DNAH11: variants seen among roughly 807,000 people sequenced by gnomAD.
DNAH11 encodes the protein axonemal beta dynein heavy chain 11.
In DNAH11, 442 loss-of-function variants were observed where a neutral mutation model predicts 526.0. That is an observed-to-expected ratio of 0.84 (90% confidence interval 0.78 to 0.91). The LOEUF is 0.91. DNAH11 is among the 40% of genes least tolerant of loss of function. DNAH11 has a pLI of 0.00. For synonymous variants in DNAH11, 2,461 were observed against 1,935.9 expected (o/e 1.27, Z -7.12); for missense variants, 6,989 against 5,448.7 (o/e 1.28, Z -8.90).
chr7:21,850,455 C>G (rs962879914), intron 66 of DNAH11, among the ~76,000 whole-genome samples: 3 of 151,546 alleles, frequency 2.0e-5, no homozygotes, highest in African/African-American at 7.3e-5. Context: ...GAGTTTCTAT[C>G]TCTACTTACA....
At chr7:21,757,218 C>T (rs1262670634) in intron 54 of DNAH11, among the ~76,000 whole-genome samples, 2 of 152,202 alleles carry the variant, frequency 1.3e-5, no homozygotes, top group Admixed American at 6.5e-5. Flanking sequence ...CATCTTGGGA[C>T]AGCCATACTT....
At chr7:21,744,822 C>G (rs768123290) in intron 50 of DNAH11, 48 bp from the exon 51 acceptor site, 29 of 1,560,998 alleles carry the variant, frequency 1.9e-5, no homozygotes, top group Middle Eastern at 1.7e-4. Context: ...GCAGCTGGAC[C>G]TCTATGGATG....
At chr7:21,576,144 T>C (rs1157244682) in intron 8 of DNAH11, among the ~76,000 whole-genome samples, 1 of 150,154 alleles carries the variant, frequency 6.7e-6, no homozygotes, top group Non-Finnish European at 1.5e-5. Flanking sequence ...GCGATGGAGA[T>C]TGACTCTGAG....
intron 66 of DNAH11, chr7:21,851,328 T>C: frequency 3.8e-6 from 1 of 261,154 alleles, no homozygotes; most frequent in Non-Finnish European, 7.7e-6. Flanking sequence ...ATTGTAAGTT[T>C]CCTGATGCCT....
chr7:21,753,110 C>T (rs540221970), intron 54 of DNAH11, among the ~76,000 whole-genome samples: 1 of 152,294 alleles, frequency 6.6e-6, no homozygotes, highest in Non-Finnish European at 1.5e-5. Context: ...CAGTATTACC[C>T]TTAGAGGCCC....
intron 63 of DNAH11, among the ~76,000 whole-genome samples, chr7:21,812,666 AAG>A (rs150181073): frequency 6.6e-6 from 1 of 151,938 alleles, no homozygotes. Context: ...AAAGAAAGAA[AAG>A]AGAGAGAGAG....
chr7:21,683,797 A>G lies in DNAH11; in HGVS notation c.5474A>G (p.Gln1825Arg). The change falls in exon 32 of 82, where the codon CAA becomes CGA. Residue 1825 changes from glutamine (Q) to arginine (R), a missense_variant. Coordinates refer to ENST00000409508, the MANE Select transcript of DNAH11 (RefSeq NM_001277115.2). ...CAATGCCTTTAGGTTGTCAGTCCCC[A>G]AGCTTTTACATGGCTGTCTCAACTT... ...KLISQKVVSP[Q>R]AFTWLSQLRH... 4 of 1,608,178 alleles carry G rather than the reference A, an allele frequency of 2.5e-6. No individual in the cohort carries two copies.
At chr7:21,672,899 G>T (rs907184791) in intron 30 of DNAH11, among the ~76,000 whole-genome samples, 1 of 152,140 alleles carries the variant, frequency 6.6e-6, no homozygotes, top group Admixed American at 6.5e-5. Flanking sequence ...TACTTTCTAG[G>T]TCTGACATTG....
chr7:21,778,811 C>T, intron 56 of DNAH11, 147 bp from the exon 57 acceptor site: 1 of 885,102 alleles, frequency 1.1e-6, no homozygotes, highest in South Asian at 2.6e-5. Flanking sequence ...TGCATTTTTG[C>T]AAATCAGAAG....
rs374826188 is a variant in DNAH11 at position 21,744,513 on chromosome 7, C to T, written c.8230C>T (p.Arg2744Cys). 7.4e-5 allele frequency: 119 copies of T among 1,613,642 alleles called. No homozygotes were observed. Among genetic ancestry groups the T allele is most frequent in the Middle Eastern group, 3.3e-4 (2 of 6,084 alleles). The change falls in exon 50 of 82, where the codon CGT becomes TGT. Residue 2744 changes from arginine (R) to cysteine (C), a missense_variant. Physicochemically the swap from Arg to Cys is radical, Grantham distance 180. Coordinates refer to ENST00000409508, the MANE Select transcript of DNAH11 (RefSeq NM_001277115.2). ...LIHLWLHESA[R>C]VYGDKLIDKK... Reference sequence around the variant, plus strand: ...ACATCTGTGGCTTCATGAATCTGCCCGTGTTTATGGAGACAAACTGATAGA... The same window carrying T: ...ACATCTGTGGCTTCATGAATCTGCCTGTGTTTATGGAGACAAACTGATAGA...
At chr7:21,643,024 ACAGGTG>A (rs1787194159) in intron 28 of DNAH11, among the ~76,000 whole-genome samples, 1 of 152,204 alleles carries the variant, frequency 6.6e-6, no homozygotes, top group South Asian at 2.1e-4. Flanking sequence ...GATGATGGAT[ACAGGTG>A]CTGCTTAACT....
chr7:21,795,664 G>A (rs986635183), intron 61 of DNAH11, among the ~76,000 whole-genome samples: 3 of 152,170 alleles, frequency 2.0e-5, no homozygotes, highest in Non-Finnish European at 2.9e-5. Context: ...AGCAATCAAC[G>A]AACGTTTTGT....
In DNAH11 at chr7:21,588,505, C is replaced by G. The variant is rs1245092225; in HGVS notation, c.1849-7C>G. ...TTCTTCCTCTTCACCAAAATATCAACTTGCAGATTGAATGTGGTCATGTAG... is the reference window on the plus strand; with the variant it reads ...TTCTTCCTCTTCACCAAAATATCAAGTTGCAGATTGAATGTGGTCATGTAG... On this transcript the variant is annotated splice_polypyrimidine_tract_variant and splice_region_variant and intron_variant, in intron 10 of 81. Coordinates refer to ENST00000409508, the MANE Select transcript of DNAH11 (RefSeq NM_001277115.2). The G allele has an allele frequency of 3.7e-6, 6 of 1,612,764 alleles. No homozygotes were observed. Among genetic ancestry groups the G allele is most frequent in the Non-Finnish European group, 4.2e-6 (5 of 1,179,212 alleles).
chr7:21,850,608 CTTT>C (rs3062635), intron 66 of DNAH11, among the ~76,000 whole-genome samples: 1,240 of 62,856 alleles, frequency 0.02, 8 homozygotes, highest in African/African-American at 0.068. Context: ...CTGTCTTCTT[CTTT>C]TTTTTTTTTT....
intron 65 of DNAH11, among the ~76,000 whole-genome samples, chr7:21,835,037 T>C (rs117845865): frequency 0.011 from 1,730 of 152,190 alleles, 16 homozygotes; most frequent in Non-Finnish European, 0.018. Flanking sequence ...TTCCTAGACA[T>C]GTATAACCTA....
intron 58 of DNAH11, among the ~76,000 whole-genome samples, chr7:21,784,755 C>G (rs1174128721): frequency 1.3e-5 from 2 of 152,140 alleles, no homozygotes; most frequent in Non-Finnish European, 2.9e-5. Flanking sequence ...CTACGGCACC[C>G]CAATAAGCAG....
At position 21,750,071 on chromosome 7, in the gene DNAH11, G is replaced by A. The variant is rs988723831; in HGVS notation, c.8798-151G>A. The A allele has an allele frequency of 3.1e-5, 35 of 1,144,158 alleles. 1 individual carries two copies. Among genetic ancestry groups the A allele is most frequent in the Admixed American group, 5.9e-5 (2 of 33,694 alleles). 70.9% of individuals were successfully genotyped at this position (1,144,158 alleles called of 1,614,324 possible). A position where few individuals can be genotyped will look rare whatever the true frequency, so the allele number is the denominator to read the frequency against. Reference sequence around the variant, plus strand: ...TCGTCTTCAACGTGTTGTATGTCTCGTAAATAAAAAAGAAACATGACGTTT... The same window carrying A: ...TCGTCTTCAACGTGTTGTATGTCTCATAAATAAAAAAGAAACATGACGTTT... On this transcript the variant is annotated intron_variant, in intron 53 of 81. Transcript: ENST00000409508.
intron 61 of DNAH11, among the ~76,000 whole-genome samples, chr7:21,792,280 A>T (rs1788508450): frequency 6.6e-6 from 1 of 152,164 alleles, no homozygotes; most frequent in South Asian, 2.1e-4. Context: ...ATCATGCTGA[A>T]TAATCTTTTC....
intron 2 of DNAH11, among the ~76,000 whole-genome samples, chr7:21,550,125 G>A (rs945150693): frequency 3.7e-5 from 3 of 80,146 alleles, no homozygotes; most frequent in African/African-American, 2.1e-4. Context: ...CTTTACATTC[G>A]TCTTTTTTTC....
Sources: gnomAD v4.1 joint callset for allele counts (sites outside exome capture counted in the v4.1 genomes callset) on GRCh38, gnomAD v4.1.1 for gene constraint, MANE v1.5 for transcripts, NCBI Gene and HGNC (gene_info 2026-07-23, HGNC 2026-07-21) for gene names.